Variants in DNAAF3 observed in about 807,000 individuals in gnomAD.
DNAAF3 encodes the protein dynein axonemal assembly factor 3, also known as UPF0470 protein C19orf51.
Under a neutral mutation model 50.9 loss-of-function variants are expected in DNAAF3, and 40 were observed. That is an observed-to-expected ratio of 0.79 (90% confidence interval 0.61 to 1.02). The LOEUF (loss-of-function observed/expected upper bound fraction) is 1.02, where lower values mean the gene tolerates loss of function less well. Among genes scored for constraint, DNAAF3 ranks in the 50% least tolerant of loss-of-function variants. DNAAF3 has a pLI of 0.00. For synonymous variants in DNAAF3, 327 were observed against 322.8 expected, an observed-to-expected ratio of 1.01 and a Z score of -0.14; for missense variants, 763 against 744.7, an observed-to-expected ratio of 1.02 and a Z score of -0.29.
At chr19:55,164,293 C>A (rs1193940469) in intron 4 of DNAAF3, among the ~76,000 whole-genome samples, 1 of 152,116 alleles carries the variant, frequency 6.6e-6, no homozygotes, top group African/African-American at 2.4e-5. Context: ...CCATCCTGGC[C>A]AACATGGTGA....
rs2085840508 is a variant in DNAAF3, at chr19:55,161,792, G to A, written c.514C>T (p.Arg172Cys). 2.0e-6 allele frequency: 3 copies of A among 1,485,938 alleles called. No homozygotes were observed. The highest frequency in any genetic ancestry group is 1.4e-5 in the African/African-American group (1 of 70,908). The allele number at this position is 1,485,938 out of a possible 1,614,324, so 92.0% of individuals were successfully genotyped here. ...CCTTTCTCGCCGCCAGCCCAGAAGC[G>A]GAATACGGCCTCCAGGGCATCCCGC... ...RERDALEAVF[R>C]FWAGGEKGPQ... The change falls in exon 6 of 12, where the codon CGC (arginine) becomes TGC (cysteine). Residue 172 changes from arginine (R) to cysteine (C), a missense_variant. Arg to Cys is a radical substitution (Grantham distance 180). Transcript: ENST00000524407. The surrounding 1 kb of genome is among the most constrained non-coding windows in gnomAD (Gnocchi z 6.4).
rs528696243 is a variant in DNAAF3 at position 55,166,091 on chromosome 19, T to A, written c.86-91A>T. On this transcript the variant is annotated intron_variant, in intron 2 of 11. Transcript: ENST00000524407. The surrounding 1 kb of genome is among the most constrained non-coding windows in gnomAD (Gnocchi z 4.0). ...ATAAAAAATGGACTACAAATCCCAG[T>A]AGGCGTTCCGCCCGTGGCCTAGGTT... 1.7e-5 allele frequency: 27 copies of A among 1,603,854 alleles called. No individual in the cohort carries two copies. Among genetic ancestry groups the A allele is most frequent in the Non-Finnish European group, 8.5e-6 (10 of 1,175,266 alleles).
chr19:55,161,272 G>C lies in DNAAF3; in HGVS notation c.789+21C>G, dbSNP rs2085825312. On this transcript the variant is annotated intron_variant, in intron 7 of 11. Transcript: ENST00000524407. This position sits in a 1 kb window ranked among gnomAD's most constrained non-coding sequence, Gnocchi z 6.4. ...GACTCCGAGCAGCAGCAGTGGGCCA[G>C]GACAGGCAGTGGACACGCACGTAGC... 1 of 1,606,378 alleles carries C rather than the reference G, an allele frequency of 6.2e-7. No homozygotes were observed. The highest frequency in any genetic ancestry group is 1.3e-5 in the African/African-American group (1 of 74,840).
intron 3 of DNAAF3, 22 bp from the exon 4 acceptor site, chr19:55,165,485 A>T (rs368053652): frequency 6.2e-7 from 1 of 1,613,168 alleles, no homozygotes; most frequent in Non-Finnish European, 8.5e-7. Flanking sequence ...GACAGGGCAG[A>T]ATAATTCTGA....
Position 55,161,046 on chromosome 19 carries a change from T to C in DNAAF3, c.912+19A>G. ...CCCCCAGCCCCACCTCTACCCCCAG[T>C]CCCAGCCTCGCCGCGCACCTTGACT... On this transcript the variant is annotated intron_variant, in intron 8 of 11. Coordinates refer to ENST00000524407, the MANE Select transcript of DNAAF3 (RefSeq NM_001256715.2). This position sits in a 1 kb window ranked among gnomAD's most constrained non-coding sequence, Gnocchi z 6.4. 1 of 1,530,340 alleles carries C rather than the reference T, an allele frequency of 6.5e-7. No homozygotes were observed. Among genetic ancestry groups the C allele is most frequent in the Non-Finnish European group, 8.8e-7 (1 of 1,140,788 alleles). The allele number at this position is 1,530,340 out of a possible 1,614,324, so 94.8% of individuals were successfully genotyped here.
At position 55,160,864 on chromosome 19, in the gene DNAAF3, A is replaced by G; in HGVS notation, c.913-89T>C. ...TGGGAGTCCTCGGTCCAGGACTAGA[A>G]CTCCCGCAGCTGCTTGGAGGATGTG... On this transcript the variant is annotated intron_variant, in intron 8 of 11. Transcript: ENST00000524407. This position sits in a 1 kb window ranked among gnomAD's most constrained non-coding sequence, Gnocchi z 4.7. 3 of 1,512,186 alleles carry G rather than the reference A, an allele frequency of 2.0e-6. No homozygotes were observed. The South Asian group carries it at 3.6e-5, about 18-fold the overall frequency. 93.7% of individuals were successfully genotyped at this position (1,512,186 alleles called of 1,614,324 possible).
chr19:55,166,178 G>A lies in DNAAF3; in HGVS notation c.85+151C>T. Reference sequence around the variant, plus strand: ...CGCAGTCCGCAGACAGGACCTCGGGGCTGCCCCTGGGAGCGCGCCCTCTGC... The same window carrying A: ...CGCAGTCCGCAGACAGGACCTCGGGACTGCCCCTGGGAGCGCGCCCTCTGC... On this transcript the variant is annotated intron_variant, in intron 2 of 11. Transcript: ENST00000524407. The surrounding 1 kb of genome is among the most constrained non-coding windows in gnomAD (Gnocchi z 4.0). The A allele has an allele frequency of 6.5e-7, 1 of 1,549,038 alleles. No individual in the cohort carries two copies. The highest frequency in any genetic ancestry group is 8.7e-7 in the Non-Finnish European group (1 of 1,147,862).
chr19:55,163,791 G>A (rs907666975), intron 4 of DNAAF3, among the ~76,000 whole-genome samples: 1 of 152,148 alleles, frequency 6.6e-6, no homozygotes, highest in African/African-American at 2.4e-5. Context: ...TAGTAAAATA[G>A]ATCAGTTTAG....
Position 55,160,987 on chromosome 19 carries a change from C to G in DNAAF3, c.912+78G>C. 6.8e-7 allele frequency: 1 copy of G among 1,473,036 alleles called. No individual in the cohort carries two copies. Among genetic ancestry groups the G allele is most frequent in the Non-Finnish European group, 9.0e-7 (1 of 1,114,996 alleles). The allele number at this position is 1,473,036 out of a possible 1,614,324, so 91.2% of individuals were successfully genotyped here. A position where few individuals can be genotyped will look rare whatever the true frequency, so the allele number is the denominator to read the frequency against. On this transcript the variant is annotated intron_variant, in intron 8 of 11. Transcript: ENST00000524407. The surrounding 1 kb of genome is among the most constrained non-coding windows in gnomAD (Gnocchi z 4.7). ...CGGGGTCTGGAGCTGGGGGCGGGGC[C>G]TGCTGTGGGGGCGGGGCCTTGCGCA... is the stretch of plus-strand genomic sequence containing the variant.
chr19:55,162,186 CG>C lies in DNAAF3; in HGVS notation c.426del (p.Glu143SerfsTer44). ...AQADLLAHLV[P>X]EPDRLEEQLP... ...AGCTGTTCCTCCAGGCGGTCGGGCTCGGGGACCAGGTGCGCCAGCAGGTCGG... is the reference window on the plus strand; with the variant it reads ...AGCTGTTCCTCCAGGCGGTCGGGCTCGGGACCAGGTGCGCCAGCAGGTCGG... On this transcript the variant is annotated frameshift_variant, in exon 5 of 12. Transcript: ENST00000524407. LOFTEE classifies it high-confidence loss of function. 1 of 1,253,318 alleles carries C rather than the reference CG, an allele frequency of 8.0e-7. No homozygotes were observed. Among genetic ancestry groups the C allele is most frequent in the South Asian group, 3.9e-5 (1 of 25,804 alleles). 77.6% of individuals were successfully genotyped at this position (1,253,318 alleles called of 1,614,324 possible). A position where few individuals can be genotyped will look rare whatever the true frequency, so the allele number is the denominator to read the frequency against.
Position 55,166,109 on chromosome 19 carries a change from C to T in DNAAF3, c.86-109G>A, listed in dbSNP as rs141887705. 288 of 1,586,894 alleles carry T rather than the reference C, an allele frequency of 1.8e-4. No homozygotes were observed. In the African/African-American group the frequency reaches 3.7e-3, roughly 21 times the overall value. On this transcript the variant is annotated intron_variant, in intron 2 of 11. Coordinates refer to ENST00000524407, the MANE Select transcript of DNAAF3 (RefSeq NM_001256715.2). The surrounding 1 kb of genome is among the most constrained non-coding windows in gnomAD (Gnocchi z 4.0). ...ATCCCAGTAGGCGTTCCGCCCGTGG[C>T]CTAGGTTCTAAGGGGAGGTGTTTCC...
At position 55,159,621 on chromosome 19, in the gene DNAAF3, G is replaced by A. The variant is rs60176657; in HGVS notation, c.1164-14C>T. ...AGATGGACCATACTGCAGAGAGGACGGAGGACAGGCTGAGATTCAGCTCCA... is the reference window on the plus strand; with the variant it reads ...AGATGGACCATACTGCAGAGAGGACAGAGGACAGGCTGAGATTCAGCTCCA... On this transcript the variant is annotated splice_polypyrimidine_tract_variant and intron_variant, in intron 10 of 11. Transcript: ENST00000524407. 0.053 allele frequency: 85,978 copies of A among 1,612,500 alleles called. 6,897 individuals carry two copies. Among genetic ancestry groups the A allele is most frequent in the Admixed American group, 0.32 (19,172 of 59,710 alleles).
In DNAAF3 at chr19:55,161,959, T is replaced by C; in HGVS notation, c.481-134A>G. On this transcript the variant is annotated intron_variant, in intron 5 of 11. Transcript: ENST00000524407. The surrounding 1 kb of genome is among the most constrained non-coding windows in gnomAD (Gnocchi z 6.4). Reference sequence around the variant, plus strand: ...GTTTCTCGGATGGAAAAACTGAGGCTCCGAAAGCAGAAGCCACCTCCTGCC... The same window carrying C: ...GTTTCTCGGATGGAAAAACTGAGGCCCCGAAAGCAGAAGCCACCTCCTGCC... The C allele has an allele frequency of 7.4e-7, 1 of 1,354,554 alleles. No homozygotes were observed. Among genetic ancestry groups the C allele is most frequent in the Admixed American group, 3.5e-5 (1 of 28,314 alleles). The allele number at this position is 1,354,554 out of a possible 1,614,324, so 83.9% of individuals were successfully genotyped here. A position where few individuals can be genotyped will look rare whatever the true frequency, so the allele number is the denominator to read the frequency against.
At position 55,161,059 on chromosome 19, in the gene DNAAF3, G is replaced by A. The variant is rs768590472; in HGVS notation, c.912+6C>T. ...CTCTACCCCCAGTCCCAGCCTCGCC[G>A]CGCACCTTGACTGGCTGGCCGTTGC... On this transcript the variant is annotated splice_donor_region_variant and intron_variant, in intron 8 of 11. Transcript: ENST00000524407. The surrounding 1 kb of genome is among the most constrained non-coding windows in gnomAD (Gnocchi z 6.4). 4 of 1,533,936 alleles carry A rather than the reference G, an allele frequency of 2.6e-6. No homozygotes were observed. The highest frequency in any genetic ancestry group is 2.3e-4 in the Middle Eastern group (1 of 4,398).
chr19:55,161,614 G>T lies in DNAAF3; in HGVS notation c.663+29C>A. 1 of 1,517,346 alleles carries T rather than the reference G, an allele frequency of 6.6e-7. No homozygotes were observed. 94.0% of individuals were successfully genotyped at this position (1,517,346 alleles called of 1,614,324 possible). A position where few individuals can be genotyped will look rare whatever the true frequency, so the allele number is the denominator to read the frequency against. On this transcript the variant is annotated intron_variant, in intron 6 of 11. Transcript: ENST00000524407. This position sits in a 1 kb window ranked among gnomAD's most constrained non-coding sequence, Gnocchi z 6.4. ...TCCTCCCTCAGACCCAGGGGTCCAG[G>T]CCCCCAGCCCCTCTCCTGGGCCCCT...
intron 3 of DNAAF3, 174 bp from the exon 4 acceptor site, chr19:55,165,637 A>G: frequency 1.1e-6 from 1 of 922,222 alleles, no homozygotes; most frequent in Non-Finnish European, 1.6e-6. Flanking sequence ...TCCATTACTC[A>G]GAAGACCTCA....
chr19:55,163,497 G>T (rs2085882639), intron 4 of DNAAF3, among the ~76,000 whole-genome samples: 1 of 151,218 alleles, frequency 6.6e-6, no homozygotes, highest in South Asian at 2.1e-4. Context: ...TCACTATGTT[G>T]ACCAGGCCAG....
chr19:55,159,575 GC>G lies in DNAAF3; in HGVS notation c.1195del (p.Ala399ProfsTer9), dbSNP rs2085781090. 1.2e-6 allele frequency: 2 copies of G among 1,608,716 alleles called. No individual in the cohort carries two copies. Among genetic ancestry groups the G allele is most frequent in the African/African-American group, 2.7e-5 (2 of 74,950 alleles). On this transcript the variant is annotated frameshift_variant, in exon 11 of 12. Coordinates refer to ENST00000524407, the MANE Select transcript of DNAAF3 (RefSeq NM_001256715.2). LOFTEE classifies it low-confidence loss of function (END_TRUNC). ...CAAGTTCCCTCCGGGTGCCACACAGGCCCCAAGCTCAGGGATGAGAAGATGG... is the reference window on the plus strand; with the variant it reads ...CAAGTTCCCTCCGGGTGCCACACAGGCCCAAGCTCAGGGATGAGAAGATGG... ...MVHLLIPELG[A>X]CVAPGGNLIV...
In DNAAF3 at chr19:55,164,594, G is replaced by A. The variant is rs146897879; in HGVS notation, c.322+776C>T. Among the ~76,000 whole-genome samples, 1,166 of 150,232 alleles carry A rather than the reference G, an allele frequency of 7.8e-3. 19 individuals are homozygous for A. Among genetic ancestry groups the A allele is most frequent in the African/African-American group, 0.027 (1,110 of 40,914 alleles). ...GGCTGGAGTGCAGTGGTGTGATCTCGGCTCACTGCAACCTCTGCCTCCCGG... is the reference window on the plus strand; with the variant it reads ...GGCTGGAGTGCAGTGGTGTGATCTCAGCTCACTGCAACCTCTGCCTCCCGG... On this transcript the variant is annotated intron_variant, in intron 4 of 11. Transcript: ENST00000524407.
Sources: allele counts gnomAD v4.1 joint callset (sites outside exome capture counted in the v4.1 genomes callset), GRCh38; gene constraint gnomAD v4.1.1; non-coding constraint Gnocchi (gnomAD v3.1); transcripts MANE v1.5; gene names NCBI Gene and HGNC (gene_info 2026-07-23, HGNC 2026-07-21).